PCNX1: variants seen among roughly 807,000 people sequenced by gnomAD.
PCNX1 encodes pecanex-like protein 1.
A neutral mutation model predicts 242.2 loss-of-function variants in PCNX1; 78 were observed. The observed-to-expected ratio is 0.32, with a 90% confidence interval of 0.27 to 0.39. The LOEUF is 0.39. Ranked by LOEUF, PCNX1 falls within the 10% of genes least tolerant of loss-of-function variation. PCNX1 has a pLI of 1.00. For synonymous variants in PCNX1, 1,024 were observed against 1,032.9 expected (o/e 0.99, Z 0.17); for missense variants, 2,581 against 2,856.5 (o/e 0.90, Z 2.20).
At chr14:71,041,975 T>G (rs1413267401) in intron 19 of PCNX1, among the ~76,000 whole-genome samples, 1 of 152,202 alleles carries the variant, frequency 6.6e-6, no homozygotes, top group African/African-American at 2.4e-5. Flanking sequence ...TCCATTTAAT[T>G]GTACAGTTTC....
chr14:70,917,125 C>A (rs148829707), intron 1 of PCNX1, among the ~76,000 whole-genome samples: 157 of 152,318 alleles, frequency 1.0e-3, no homozygotes, highest in African/African-American at 3.6e-3. Flanking sequence ...AATTCTAGTT[C>A]TCTTTTTGTT....
chr14:71,057,705 G>A lies in PCNX1; in HGVS notation c.4833G>A (p.Leu1611=), dbSNP rs764696912. The A allele has an allele frequency of 3.1e-6, 5 of 1,612,626 alleles. No individual in the cohort carries two copies. In the South Asian group the frequency reaches 4.4e-5, roughly 14 times the overall value. The part of the protein sequence containing the change: ...EIGNGLVTFQ[L]RGLEFRGTYC... Reference sequence around the variant, plus strand: ...GCAATGGTCTGGTCACTTTTCAGCTGCGGGGACTTGAATTCAGAGGTAAGA... The same window carrying A: ...GCAATGGTCTGGTCACTTTTCAGCTACGGGGACTTGAATTCAGAGGTAAGA... Residue 1611 remains leucine, a synonymous_variant, in exon 26 of 36, where the codon CTG becomes CTA. Transcript: ENST00000304743.
chr14:71,032,042 G>GA, intron 16 of PCNX1: 1 of 781,910 alleles, frequency 1.3e-6, no homozygotes, highest in South Asian at 1.4e-5. Flanking sequence ...TTTAAGAGTG[G>GA]AAAGATTAAT....
At chr14:70,965,046 A>G (rs1345088841) in intron 3 of PCNX1, among the ~76,000 whole-genome samples, 1 of 152,206 alleles carries the variant, frequency 6.6e-6, no homozygotes, top group Non-Finnish European at 1.5e-5. Context: ...GCTACACATT[A>G]TCATATTTTA....
chr14:71,040,429 C>G (rs1014347666), intron 19 of PCNX1, among the ~76,000 whole-genome samples: 3 of 152,078 alleles, frequency 2.0e-5, no homozygotes, highest in African/African-American at 7.2e-5. Context: ...TGTACCTTCA[C>G]ATAGTTTTCT....
chr14:70,926,792 A>G (rs1283317600), intron 1 of PCNX1, among the ~76,000 whole-genome samples: 2 of 152,208 alleles, frequency 1.3e-5, no homozygotes, highest in South Asian at 2.1e-4. Context: ...TAAAGTACAG[A>G]TGTACATGCA....
At chr14:71,014,676 C>G (rs544652037) in intron 11 of PCNX1, among the ~76,000 whole-genome samples, 74 of 138,116 alleles carry the variant, frequency 5.4e-4, no homozygotes, top group Non-Finnish European at 9.9e-4. Flanking sequence ...TGGAAACTAT[C>G]CAGAATGAAA....
chr14:70,982,345 A>G (rs764968344), intron 6 of PCNX1, among the ~76,000 whole-genome samples: 1 of 152,378 alleles, frequency 6.6e-6, no homozygotes, highest in Non-Finnish European at 1.5e-5. Flanking sequence ...TGAAGTAATG[A>G]CAGCAGAAGA....
intron 3 of PCNX1, chr14:70,965,531 C>G (rs1273677854): frequency 6.6e-6 from 1 of 152,074 alleles, no homozygotes; most frequent in Non-Finnish European, 1.5e-5. Context: ...GGTGTGGTGG[C>G]ATGCACCTGT....
At chr14:71,081,469 T>G (rs1330835287) in intron 28 of PCNX1, among the ~76,000 whole-genome samples, 1 of 152,206 alleles carries the variant, frequency 6.6e-6, no homozygotes, top group Non-Finnish European at 1.5e-5. Context: ...GTACCTCTGG[T>G]AGAATTCAGC....
chr14:70,930,398 G>T (rs974432588), intron 1 of PCNX1, among the ~76,000 whole-genome samples: 2 of 152,134 alleles, frequency 1.3e-5, no homozygotes, highest in Non-Finnish European at 2.9e-5. Context: ...CCGATGAGTT[G>T]CATGTGCTAT....
chr14:71,035,433 A>AT (rs1159344632), intron 18 of PCNX1, among the ~76,000 whole-genome samples: 5 of 152,298 alleles, frequency 3.3e-5, no homozygotes, highest in East Asian at 3.9e-4. Flanking sequence ...AGAAAATAAG[A>AT]TTTTTTGTGG....
chr14:71,096,924 G>A (rs898196924), intron 30 of PCNX1, among the ~76,000 whole-genome samples: 2 of 152,120 alleles, frequency 1.3e-5, no homozygotes, highest in African/African-American at 4.8e-5. Flanking sequence ...GGAGTTAGCA[G>A]TATCTCCAAA....
At chr14:71,068,591 C>CGTGTGTGTGTGTGTGTGTGTGT (rs373964832) in intron 26 of PCNX1, among the ~76,000 whole-genome samples, 1 of 124,030 alleles carries the variant, frequency 8.1e-6, no homozygotes, top group African/African-American at 3.3e-5. Flanking sequence ...TATGTACGTG[C>CGTGTGTGTGTGTGTGTGTGTGT]GTGTGTGTGT....
At chr14:71,031,998 A>G in intron 16 of PCNX1, 1 of 1,076,316 alleles carries the variant, frequency 9.3e-7, no homozygotes, top group Non-Finnish European at 1.4e-6. Context: ...ATGCCAAGAA[A>G]GAATTCAAGA....
At position 71,019,005 on chromosome 14, in the gene PCNX1, G is replaced by A. The variant is rs752523832; in HGVS notation, c.2997-4G>A. Reference sequence around the variant, plus strand: ...TACTTACCCATAAGTTTTTCTGTCCGTAGAAATCGTGAGATCCTGGAAAAT... The same window carrying A: ...TACTTACCCATAAGTTTTTCTGTCCATAGAAATCGTGAGATCCTGGAAAAT... On this transcript the variant is annotated splice_polypyrimidine_tract_variant and splice_region_variant and intron_variant, in intron 11 of 35. Coordinates refer to ENST00000304743, the MANE Select transcript of PCNX1 (RefSeq NM_014982.3). 18 of 1,605,874 alleles carry A rather than the reference G, an allele frequency of 1.1e-5. No homozygotes were observed. Among genetic ancestry groups the A allele is most frequent in the East Asian group, 9.0e-5 (4 of 44,412 alleles).
intron 28 of PCNX1, among the ~76,000 whole-genome samples, chr14:71,080,708 A>G (rs2061833221): frequency 6.6e-6 from 1 of 152,174 alleles, no homozygotes; most frequent in Admixed American, 6.5e-5. Flanking sequence ...TGATTTTTGC[A>G]CATTGATTTT....
chr14:70,907,896 G>A lies in PCNX1; in HGVS notation c.46G>A (p.Ala16Thr), dbSNP rs760273732. The A allele has an allele frequency of 3.0e-5, 47 of 1,570,166 alleles. No individual in the cohort carries two copies. Among genetic ancestry groups the A allele is most frequent in the Non-Finnish European group, 4.0e-5 (47 of 1,161,822 alleles). Residue 16 changes from alanine (A) to threonine (T), a missense_variant, in exon 1 of 36, where the codon GCG (alanine) becomes ACG (threonine). Coordinates refer to ENST00000304743, the MANE Select transcript of PCNX1 (RefSeq NM_014982.3). ...LQILRQGVWAALSGGWYYDPH... is the reference protein window; with the variant it reads ...LQILRQGVWATLSGGWYYDPH... ...GATCCTCCGACAGGGGGTGTGGGCC[G>A]CGCTCAGCGGGGGCTGGTACTACGA...
In PCNX1 at chr14:71,105,187, T is replaced by C. The variant is rs140429845; in HGVS notation, c.6096-48T>C. 1.4e-4 allele frequency: 203 copies of C among 1,406,038 alleles called. 1 individual carries two copies. The African/African-American group carries it at 2.5e-3, about 17-fold the overall frequency. The allele number at this position is 1,406,038 out of a possible 1,614,324, so 87.1% of individuals were successfully genotyped here. A position where few individuals can be genotyped will look rare whatever the true frequency, so the allele number is the denominator to read the frequency against. ...CTGGAAAAAGAATAAAATACCCATTTTGAAGTGATCTTGGAATAATGCTTC... is the reference window on the plus strand; with the variant it reads ...CTGGAAAAAGAATAAAATACCCATTCTGAAGTGATCTTGGAATAATGCTTC... On this transcript the variant is annotated intron_variant, in intron 32 of 35. Coordinates refer to ENST00000304743, the MANE Select transcript of PCNX1 (RefSeq NM_014982.3).
Sources: gnomAD v4.1 joint callset for allele counts (sites outside exome capture counted in the v4.1 genomes callset) on GRCh38, gnomAD v4.1.1 for gene constraint, MANE v1.5 for transcripts, NCBI Gene and HGNC (gene_info 2026-07-23, HGNC 2026-07-21) for gene names.